Variants in DNM3 observed in about 807,000 individuals in gnomAD.
DNM3 encodes the protein dynamin 3.
Under a neutral mutation model 101.6 loss-of-function variants are expected in DNM3, and 47 were observed. The observed-to-expected ratio is 0.46, with a 90% CI of 0.37 to 0.59. The LOEUF is 0.59. DNM3 is among the 20% of genes least tolerant of loss of function. The pLI, the probability that DNM3 is intolerant of heterozygous loss-of-function variation, is 0.00. For synonymous variants in DNM3, 385 were observed against 387.9 expected, an observed-to-expected ratio of 0.99 and a Z score of 0.09; for missense variants, 849 against 1,085.7, an observed-to-expected ratio of 0.78 and a Z score of 3.06.
chr1:171,902,981 C>A (rs891364929), intron 1 of DNM3, among the ~76,000 whole-genome samples: 2 of 151,918 alleles, frequency 1.3e-5, no homozygotes, highest in African/African-American at 4.8e-5. Context: ...AGTGGGACCT[C>A]GTCTCTACAG....
At chr1:171,896,119 C>A (rs1233180339) in intron 1 of DNM3, among the ~76,000 whole-genome samples, 1 of 152,122 alleles carries the variant, frequency 6.6e-6, no homozygotes, top group Non-Finnish European at 1.5e-5. Flanking sequence ...CTTGGCAATG[C>A]GGGCTCCTTT....
chr1:172,177,526 A>G (rs2059196528), intron 14 of DNM3, among the ~76,000 whole-genome samples: 2 of 151,992 alleles, frequency 1.3e-5, no homozygotes, highest in South Asian at 2.1e-4. Flanking sequence ...ACTTTCTAAA[A>G]CCAAGTTGGA....
chr1:172,277,110 A>C (rs1376023002), intron 15 of DNM3, among the ~76,000 whole-genome samples: 1 of 152,056 alleles, frequency 6.6e-6, no homozygotes, highest in Non-Finnish European at 1.5e-5. Flanking sequence ...TGGGTACAAA[A>C]ATGGTCCTTG....
chr1:171,944,750 G>A (rs2042046526), intron 2 of DNM3, among the ~76,000 whole-genome samples: 1 of 147,886 alleles, frequency 6.8e-6, no homozygotes, highest in African/African-American at 2.5e-5. Context: ...CCTAAGGAAT[G>A]TTGGTCCAAT....
intron 2 of DNM3, among the ~76,000 whole-genome samples, chr1:171,930,328 C>T (rs1035281514): frequency 2.6e-5 from 4 of 152,138 alleles, no homozygotes; most frequent in African/African-American, 4.8e-5. Flanking sequence ...TGTGAGGTGC[C>T]GTGGAATTGG....
At chr1:172,413,349 C>T (rs1166440821), downstream of DNM3, among the ~76,000 whole-genome samples, 1 of 152,182 alleles carries the variant, frequency 6.6e-6, no homozygotes, top group African/African-American at 2.4e-5. Context: ...GCCTCAGCCT[C>T]CTGAGGAACT....
intron 4 of DNM3, among the ~76,000 whole-genome samples, chr1:172,028,166 A>C (rs1033208977): frequency 1.3e-5 from 2 of 152,178 alleles, no homozygotes; most frequent in Non-Finnish European, 2.9e-5. Context: ...ACATAATTGG[A>C]AGTAAAACAC....
At position 172,149,381 on chromosome 1, in the gene DNM3, A is replaced by G. The variant is rs558254035; in HGVS notation, c.1659+18093A>G. 2.6e-5 allele frequency among the ~76,000 whole-genome samples: 4 copies of G among 152,312 alleles called. No individual in the cohort carries two copies. In the South Asian group the frequency reaches 8.3e-4, roughly 32 times the overall value. On this transcript the variant is annotated intron_variant, in intron 14 of 20. Coordinates refer to ENST00000627582, the MANE Select transcript of DNM3 (RefSeq NM_015569.5). Reference sequence around the variant, plus strand: ...ACCTTAAAAACTCTAGCTCTATTGGATACCAGTCGCAAGAAAGTAAATATA... The same window carrying G: ...ACCTTAAAAACTCTAGCTCTATTGGGTACCAGTCGCAAGAAAGTAAATATA...
At chr1:172,284,320 G>A (rs184044985) in intron 15 of DNM3, among the ~76,000 whole-genome samples, 9 of 152,286 alleles carry the variant, frequency 5.9e-5, no homozygotes, top group African/African-American at 2.2e-4. Context: ...TAAAACAGAT[G>A]TCTGTTTTTT....
At chr1:172,022,998 AG>A (rs1356128742) in intron 4 of DNM3, among the ~76,000 whole-genome samples, 4 of 151,956 alleles carry the variant, frequency 2.6e-5, no homozygotes, top group African/African-American at 9.7e-5. Context: ...GTCTTTTTTG[AG>A]GTTGATAATT....
chr1:172,379,261 TTG>T, intron 18 of DNM3, 79 bp downstream of exon 18: 3 of 1,234,112 alleles, frequency 2.4e-6, no homozygotes, highest in Non-Finnish European at 3.4e-6. Context: ...TTCAGCTTCT[TTG>T]TGTATTTTCT....
In DNM3 at chr1:172,320,211, A is replaced by G. The variant is rs565016214; in HGVS notation, c.1882-3118A>G. On this transcript the variant is annotated intron_variant, in intron 16 of 20. Coordinates refer to ENST00000627582, the MANE Select transcript of DNM3 (RefSeq NM_015569.5). ...AACACATGGACACAGGAAGGGGAAC[A>G]TCACACTCTGGGGACTGTTGTGGGG... 2.2e-3 allele frequency among the ~76,000 whole-genome samples: 323 copies of G among 148,790 alleles called. 1 individual carries two copies. Among genetic ancestry groups the G allele is most frequent in the Middle Eastern group, 0.01 (3 of 288 alleles).
intron 14 of DNM3, chr1:172,138,946 C>T (rs537602109): frequency 2.1e-6 from 1 of 471,914 alleles, no homozygotes; most frequent in African/African-American, 2.0e-5. Context: ...TAGACAGATA[C>T]AATCAGCCTG....
chr1:172,247,183 G>T (rs1444472721), intron 14 of DNM3, among the ~76,000 whole-genome samples: 1 of 152,068 alleles, frequency 6.6e-6, no homozygotes, highest in Non-Finnish European at 1.5e-5. Context: ...TGTGGTCTAC[G>T]CACGTTTTTG....
intron 1 of DNM3, among the ~76,000 whole-genome samples, chr1:171,889,968 T>C (rs2037121070): frequency 6.6e-6 from 1 of 152,196 alleles, no homozygotes; most frequent in Non-Finnish European, 1.5e-5. Context: ...GAGTTTAAGC[T>C]TCATTTTGTG....
At chr1:172,282,418 C>T (rs769506944) in intron 15 of DNM3, among the ~76,000 whole-genome samples, 3 of 152,168 alleles carry the variant, frequency 2.0e-5, no homozygotes, top group Non-Finnish European at 2.9e-5. Flanking sequence ...ATTGAGTCCC[C>T]GAGAACTTAA....
intron 14 of DNM3, among the ~76,000 whole-genome samples, chr1:172,155,569 C>T (rs1285798173): frequency 1.3e-5 from 2 of 152,068 alleles, no homozygotes; most frequent in South Asian, 2.1e-4. Context: ...TAAGCCTACA[C>T]TCAGAGCCAA....
At chr1:171,944,984 C>T (rs772117846) in intron 2 of DNM3, among the ~76,000 whole-genome samples, 4 of 150,396 alleles carry the variant, frequency 2.7e-5, no homozygotes, top group Non-Finnish European at 4.4e-5. Flanking sequence ...CTGCTTCAGC[C>T]TCCCAAGTAG....
chr1:171,870,614 A>G (rs905152909), intron 1 of DNM3, among the ~76,000 whole-genome samples: 5 of 152,212 alleles, frequency 3.3e-5, no homozygotes, highest in African/African-American at 1.2e-4. Context: ...AATGCTTATT[A>G]TGTGCCTATC....
Sources: allele counts gnomAD v4.1 joint callset (sites outside exome capture counted in the v4.1 genomes callset), GRCh38; gene constraint gnomAD v4.1.1; transcripts MANE v1.5; gene names NCBI Gene and HGNC (gene_info 2026-07-23, HGNC 2026-07-21).